Variants in POLN observed in about 807,000 individuals in gnomAD.
POLN encodes the protein DNA polymerase nu.
In POLN, 108 loss-of-function variants were observed where a neutral mutation model predicts 113.5. That is an observed-to-expected ratio of 0.95 (90% CI 0.81 to 1.12). The LOEUF (loss-of-function observed/expected upper bound fraction) is 1.12, where lower values mean the gene tolerates loss of function less well. Ranked by LOEUF, POLN falls within the 50% of genes most tolerant of loss-of-function variation. The pLI, the probability that POLN is intolerant of heterozygous loss-of-function variation, is 0.00. For missense variants in POLN, 1,097 were observed against 1,077.1 expected, an observed-to-expected ratio of 1.02 and a Z score of -0.26; for synonymous variants, 386 against 391.5, an observed-to-expected ratio of 0.99 and a Z score of 0.17.
intron 3 of POLN, among the ~76,000 whole-genome samples, chr4:2,216,559 A>T (rs1734117529): frequency 6.6e-6 from 1 of 152,120 alleles, no homozygotes; most frequent in Non-Finnish European, 1.5e-5. Flanking sequence ...TGTGGCTGTG[A>T]GGGAGACAGT....
At position 2,202,553 on chromosome 4, in the gene POLN, G is replaced by A. The variant is rs142846881; in HGVS notation, c.715-3836C>T. Among the ~76,000 whole-genome samples, 86 of 151,804 alleles carry A rather than the reference G, an allele frequency of 5.7e-4. 1 individual carries two copies. Among genetic ancestry groups the A allele is most frequent in the African/African-American group, 1.7e-3 (72 of 41,374 alleles). The stretch of plus-strand genomic sequence containing the variant: ...AGCCTGGCCAACATGATGAAACTCC[G>A]TCTCTACTAAAAATACAAAAATTAG... On this transcript the variant is annotated intron_variant, in intron 5 of 25. Transcript: ENST00000511885.
At chr4:2,161,523 T>G (rs555030969) in intron 13 of POLN, among the ~76,000 whole-genome samples, 1 of 152,228 alleles carries the variant, frequency 6.6e-6, no homozygotes, top group Non-Finnish European at 1.5e-5. Context: ...GCTCGGGACC[T>G]GCAACCCGCC....
At chr4:2,140,367 G>A (rs111285082) in intron 16 of POLN, among the ~76,000 whole-genome samples, 17,087 of 152,160 alleles carry the variant, frequency 0.11, 1,414 homozygotes, top group East Asian at 0.41. Context: ...GTGAGCCACC[G>A]TGCCTGGCCA....
chr4:2,174,072 C>A (rs1732935250), intron 10 of POLN, 53 bp from the exon 11 acceptor site: 4 of 1,550,004 alleles, frequency 2.6e-6, no homozygotes, highest in East Asian at 4.5e-5. Context: ...ATTCTTTTTA[C>A]TAAAGACTAA....
intron 19 of POLN, among the ~76,000 whole-genome samples, chr4:2,117,088 T>C (rs986071479): frequency 6.6e-6 from 1 of 152,234 alleles, no homozygotes; most frequent in Non-Finnish European, 1.5e-5. Flanking sequence ...CCACTGCAGC[T>C]CTGTTCCATG....
At chr4:2,094,604 C>T (rs1397018927) in intron 20 of POLN, among the ~76,000 whole-genome samples, 1 of 152,120 alleles carries the variant, frequency 6.6e-6, no homozygotes, top group Non-Finnish European at 1.5e-5. Flanking sequence ...GAAGGTTGCA[C>T]AGGGGAGAGT....
At chr4:2,075,720 G>A (rs1730259407) in intron 23 of POLN, among the ~76,000 whole-genome samples, 1 of 152,248 alleles carries the variant, frequency 6.6e-6, no homozygotes, top group Non-Finnish European at 1.5e-5. Flanking sequence ...GTGGCTCCGT[G>A]AGGCATGGGC....
chr4:2,203,997 T>TACTG (rs1345738027), intron 5 of POLN, among the ~76,000 whole-genome samples: 2 of 148,708 alleles, frequency 1.3e-5, no homozygotes, highest in Non-Finnish European at 3.0e-5. Context: ...TAATCCCAGC[T>TACTG]ACTGGGGAGG....
Position 2,201,137 on chromosome 4 carries a change from C to T in POLN, c.715-2420G>A, listed in dbSNP as rs1052125772. Among the ~76,000 whole-genome samples the T allele has an allele frequency of 5.9e-5, 9 of 151,528 alleles. No homozygotes were observed. In the South Asian group the frequency reaches 1.0e-3, roughly 18 times the overall value. On this transcript the variant is annotated intron_variant, in intron 5 of 25. Coordinates refer to ENST00000511885, the MANE Select transcript of POLN (RefSeq NM_181808.4). ...AAAAAATTAGCCGGGCGTGGTGGCA[C>T]ATGCCTGTAGTCCTAGTTACTCAAG...
At position 2,169,661 on chromosome 4, in the gene POLN, G is replaced by C. The variant is rs573160915; in HGVS notation, c.1554+1018C>G. Among the ~76,000 whole-genome samples the C allele has an allele frequency of 1.2e-4, 19 of 152,310 alleles. 1 individual carries two copies. The highest frequency in any genetic ancestry group is 9.8e-4 in the Admixed American group (15 of 15,304). Reference sequence around the variant, plus strand: ...TTTCTTTTATAGATCAGGAAACTGAGGCACAGAGCAGTCGAGCAATGTTTT... The same window carrying C: ...TTTCTTTTATAGATCAGGAAACTGACGCACAGAGCAGTCGAGCAATGTTTT... On this transcript the variant is annotated intron_variant, in intron 13 of 25. Transcript: ENST00000511885.
At chr4:2,153,940 G>C (rs943600735) in intron 16 of POLN, among the ~76,000 whole-genome samples, 1 of 151,678 alleles carries the variant, frequency 6.6e-6, no homozygotes, top group Non-Finnish European at 1.5e-5. Flanking sequence ...GCTCATACCT[G>C]CAATCCCAGC....
rs1294070315 is a variant in POLN, at chr4:2,075,455, C to T, written c.2452G>A (p.Ala818Thr). Residue 818 changes from alanine to threonine, a missense_variant, in exon 24 of 26, where the codon GCA becomes ACA. Physicochemically the swap from Ala to Thr is moderately conservative, Grantham distance 58. Coordinates refer to ENST00000511885, the MANE Select transcript of POLN (RefSeq NM_181808.4). ...EVEDPQIPEC[A>T]ALVRRTMESL... ...ACCCTGTGTTGCCCCAGGCTACCTGCACACTCCGGGATCTGCGGATCTTCC... is the reference window on the plus strand; with the variant it reads ...ACCCTGTGTTGCCCCAGGCTACCTGTACACTCCGGGATCTGCGGATCTTCC... 6.2e-7 allele frequency: 1 copy of T among 1,613,470 alleles called. No individual in the cohort carries two copies. The highest frequency in any genetic ancestry group is 1.1e-5 in the South Asian group (1 of 91,090).
intron 19 of POLN, among the ~76,000 whole-genome samples, chr4:2,119,059 A>G (rs1444070699): frequency 6.6e-6 from 1 of 152,210 alleles, no homozygotes; most frequent in Admixed American, 6.5e-5. Flanking sequence ...CACAGACAGC[A>G]ATACTGTCTT....
intron 19 of POLN, among the ~76,000 whole-genome samples, chr4:2,116,288 G>T (rs1731315542): frequency 6.6e-6 from 1 of 152,070 alleles, no homozygotes; most frequent in African/African-American, 2.4e-5. Flanking sequence ...AAGTTCAGCT[G>T]GTTTCTTCTT....
At chr4:2,179,088 C>A (rs549739536) in intron 8 of POLN, among the ~76,000 whole-genome samples, 1 of 152,312 alleles carries the variant, frequency 6.6e-6, no homozygotes, top group Admixed American at 6.5e-5. Context: ...ACACTATGGA[C>A]AGATTTCCTA....
At chr4:2,146,205 C>A (rs561887374) in intron 16 of POLN, among the ~76,000 whole-genome samples, 1 of 152,190 alleles carries the variant, frequency 6.6e-6, no homozygotes, top group African/African-American at 2.4e-5. Flanking sequence ...TTAACAGGGG[C>A]TTTAAATGTT....
intron 3 of POLN, among the ~76,000 whole-genome samples, chr4:2,224,216 C>CA (rs1237397548): frequency 8.5e-5 from 13 of 152,146 alleles, no homozygotes; most frequent in African/African-American, 2.4e-5. Context: ...CCTAGGCCTA[C>CA]ACAGGGTAAA....
chr4:2,199,927 A>T (rs113292698), intron 5 of POLN, among the ~76,000 whole-genome samples: 50 of 152,332 alleles, frequency 3.3e-4, no homozygotes, highest in African/African-American at 1.2e-3. Flanking sequence ...ACTATCAACT[A>T]ACATTCTTTA....
chr4:2,196,017 A>G (rs1733564277), intron 6 of POLN, among the ~76,000 whole-genome samples: 1 of 152,258 alleles, frequency 6.6e-6, no homozygotes, highest in African/African-American at 2.4e-5. Context: ...GCTCCCTCTC[A>G]GCACCATGAA....
Sources: allele counts gnomAD v4.1 joint callset (sites outside exome capture counted in the v4.1 genomes callset), GRCh38; gene constraint gnomAD v4.1.1; transcripts MANE v1.5; gene names NCBI Gene and HGNC (gene_info 2026-07-23, HGNC 2026-07-21).